The following LARGE1 variants were observed in gnomAD, a reference collection of about 807,000 sequenced individuals.
The protein encoded by LARGE1 is LARGE xylosyl- and glucuronyltransferase 1.
Under a neutral mutation model 87.6 loss-of-function variants are expected in LARGE1, and 43 were observed. The observed-to-expected ratio is 0.49, with a 90% CI of 0.38 to 0.63. The LOEUF is 0.63. Among genes scored for constraint, LARGE1 ranks in the 30% least tolerant of loss-of-function variants. The pLI, the probability that LARGE1 is intolerant of heterozygous loss-of-function variation, is 0.00. For synonymous variants in LARGE1, 434 were observed against 394.6 expected (o/e 1.10, Z -1.18); for missense variants, 802 against 1,000.2 (o/e 0.80, Z 2.67).
intron 9 of LARGE1, among the ~76,000 whole-genome samples, chr22:33,374,459 C>T (rs8137418): frequency 0.091 from 13,883 of 152,186 alleles, 1,019 homozygotes; most frequent in African/African-American, 0.21. Context: ...GTTTCTCTAT[C>T]GTCTTTTGAT....
chr22:33,556,537 AAGGAG>A (rs2077686266), intron 6 of LARGE1, among the ~76,000 whole-genome samples: 1 of 47,508 alleles, frequency 2.1e-5, no homozygotes, highest in African/African-American at 9.5e-5. Context: ...GGAGGGAGGG[AAGGAG>A]GGAGGGAGGG....
At chr22:33,643,113 A>G (rs1223373766) in intron 3 of LARGE1, among the ~76,000 whole-genome samples, 1 of 152,106 alleles carries the variant, frequency 6.6e-6, no homozygotes, top group Non-Finnish European at 1.5e-5. Context: ...AGCACCATAA[A>G]GCACTTATTC....
chr22:33,686,667 G>C (rs2081953761), intron 2 of LARGE1, among the ~76,000 whole-genome samples: 1 of 151,852 alleles, frequency 6.6e-6, no homozygotes, highest in Non-Finnish European at 1.5e-5. Context: ...TCATGGCCTA[G>C]ACCAGCCATG....
At chr22:33,882,537 A>T (rs1290153319) in intron 1 of LARGE1, among the ~76,000 whole-genome samples, 1 of 152,226 alleles carries the variant, frequency 6.6e-6, no homozygotes, top group Non-Finnish European at 1.5e-5. Context: ...GTTAAAGCTT[A>T]GGAAAAACAC....
rs572329178 is a variant in LARGE1, at chr22:33,672,659, T to C, written c.107-21991A>G. Among the ~76,000 whole-genome samples, 5 of 152,374 alleles carry C rather than the reference T, an allele frequency of 3.3e-5. No homozygotes were observed. The East Asian group carries it at 9.6e-4, about 29-fold the overall frequency. ...GAACAAAAAGTAATATTTTGATCTC[T>C]TTCTGCCTGGTCCTGTGTCTCTCAG... On this transcript the variant is annotated intron_variant, in intron 2 of 14. Coordinates refer to ENST00000397394, the MANE Select transcript of LARGE1 (RefSeq NM_133642.5).
At chr22:33,380,933 G>C (rs1376713418) in intron 9 of LARGE1, among the ~76,000 whole-genome samples, 1 of 152,186 alleles carries the variant, frequency 6.6e-6, no homozygotes, top group Admixed American at 6.5e-5. Flanking sequence ...CCACTGTAGG[G>C]AGGGAATTCT....
At chr22:33,760,487 C>T (rs1303135504) in intron 2 of LARGE1, among the ~76,000 whole-genome samples, 1 of 152,206 alleles carries the variant, frequency 6.6e-6, no homozygotes, top group East Asian at 1.9e-4. Flanking sequence ...TCCCACAGCA[C>T]CCTGCCTTCC....
intron 2 of LARGE1, among the ~76,000 whole-genome samples, chr22:33,708,966 G>A (rs145631194): frequency 1.3e-5 from 2 of 152,218 alleles, no homozygotes; most frequent in East Asian, 3.9e-4. Context: ...TGTCTTCATG[G>A]GGTCTTTCCT....
At chr22:33,883,351 T>C (rs2064752749) in intron 1 of LARGE1, among the ~76,000 whole-genome samples, 2 of 152,190 alleles carry the variant, frequency 1.3e-5, no homozygotes, top group African/African-American at 4.8e-5. Flanking sequence ...TCATAGAGAA[T>C]GTAAGCAGCA....
chr22:33,702,844 A>T (rs112408162), intron 2 of LARGE1, among the ~76,000 whole-genome samples: 4 of 152,344 alleles, frequency 2.6e-5, no homozygotes, highest in African/African-American at 9.6e-5. Flanking sequence ...TAAGCAAGGA[A>T]GAGGGGCAGA....
Position 33,303,808 on chromosome 22 carries a change from A to G in LARGE1, c.1730+421T>C, listed in dbSNP as rs1056908724. On this transcript the variant is annotated intron_variant, in intron 12 of 14. Coordinates refer to ENST00000397394, the MANE Select transcript of LARGE1 (RefSeq NM_133642.5). ...AGCTAATTTTTTTGGTATTTTTAGTAGGGGGGGGGTTTCACCATGTTGGCC... is the reference window on the plus strand; with the variant it reads ...AGCTAATTTTTTTGGTATTTTTAGTGGGGGGGGGGTTTCACCATGTTGGCC... Among the ~76,000 whole-genome samples the G allele has an allele frequency of 3.1e-3, 454 of 146,650 alleles. 4 individuals carry two copies. The highest frequency in any genetic ancestry group is 0.011 in the African/African-American group (422 of 38,910).
At chr22:33,722,250 AAGAGGGAGAGGGAGAGGAGGG>A (rs2083123530) in intron 2 of LARGE1, among the ~76,000 whole-genome samples, 2 of 138,862 alleles carry the variant, frequency 1.4e-5, no homozygotes, top group Non-Finnish European at 3.1e-5. Flanking sequence ...GGAAGGGAGG[AAGAGGGAGAGGGAGAGGAGGG>A]AGAGGGAGAG....
intron 6 of LARGE1, among the ~76,000 whole-genome samples, chr22:33,503,608 G>T (rs1424243492): frequency 6.6e-6 from 1 of 151,932 alleles, no homozygotes; most frequent in Non-Finnish European, 1.5e-5. Flanking sequence ...AGACCAGCCT[G>T]GCCAATATGG....
At chr22:33,729,699 A>G (rs2083391948) in intron 2 of LARGE1, among the ~76,000 whole-genome samples, 1 of 152,230 alleles carries the variant, frequency 6.6e-6, no homozygotes, top group East Asian at 1.9e-4. Context: ...TATCAAGGAC[A>G]ATGAAGATCA....
intron 4 of LARGE1, among the ~76,000 whole-genome samples, chr22:33,613,549 A>G (rs1380891171): frequency 6.6e-6 from 1 of 152,056 alleles, no homozygotes. Flanking sequence ...CTGGAGTGCA[A>G]TGGCGCGATC....
At chr22:33,129,891 T>A in the LARGE1 span, among the ~76,000 whole-genome samples, 10 of 152,166 alleles carry the variant, frequency 6.6e-5, no homozygotes, top group African/African-American at 2.4e-4. Flanking sequence ...CACGTGGGGA[T>A]TAAGGGAATT....
chr22:33,154,567 A>G, the LARGE1 span, among the ~76,000 whole-genome samples: 1 of 152,186 alleles, frequency 6.6e-6, no homozygotes, highest in Non-Finnish European at 1.5e-5. Flanking sequence ...AGGCAGAAAC[A>G]ACCTTATATT....
Position 33,711,109 on chromosome 22 carries a change from C to G in LARGE1, c.106+50262G>C, listed in dbSNP as rs567567952. Among the ~76,000 whole-genome samples the G allele has an allele frequency of 5.3e-5, 8 of 152,206 alleles. No homozygotes were observed. The South Asian group carries it at 1.2e-3, about 24-fold the overall frequency. ...GGAGCAGTTGTAGGGTGACAAACAC[C>G]GAGCTCCAGCTTAATCCCACAGAGG... is the stretch of plus-strand genomic sequence containing the variant. On this transcript the variant is annotated intron_variant, in intron 2 of 14. Transcript: ENST00000397394.
chr22:33,859,345 G>T (rs994429322), intron 1 of LARGE1, among the ~76,000 whole-genome samples: 1 of 152,148 alleles, frequency 6.6e-6, no homozygotes, highest in Non-Finnish European at 1.5e-5. Context: ...CGAGCTTTGG[G>T]AAAAGGTAGA....
Sources: gnomAD v4.1 joint callset for allele counts (sites outside exome capture counted in the v4.1 genomes callset) on GRCh38, gnomAD v4.1.1 for gene constraint, MANE v1.5 for transcripts, NCBI Gene and HGNC (gene_info 2026-07-23, HGNC 2026-07-21) for gene names.